ZNF85: variants seen among roughly 807,000 people sequenced by gnomAD.
ZNF85 encodes zinc finger protein 85 (HPF4, HTF1).
A neutral mutation model predicts 53.9 loss-of-function variants in ZNF85; 50 were observed. The observed-to-expected ratio is 0.93, with a 90% CI of 0.74 to 1.17. ZNF85 has a LOEUF of 1.17. ZNF85 is among the 50% of genes most tolerant of loss of function. The probability of loss-of-function intolerance (pLI) is 0.00; values close to 1 mark genes in which losing one functional copy is unlikely to be tolerated. For synonymous variants in ZNF85, 225 were observed against 226.1 expected (o/e 1.00, Z 0.04); for missense variants, 747 against 688.5 (o/e 1.08, Z -0.95).
At chr19:20,930,565 T>C (rs541185491) in intron 1 of ZNF85, among the ~76,000 whole-genome samples, 71 of 122,922 alleles carry the variant, frequency 5.8e-4, no homozygotes, top group Non-Finnish European at 1.1e-3. Flanking sequence ...CAGGGTGTTA[T>C]GATGATGAAA....
In ZNF85 at chr19:20,949,089, A is replaced by T; in HGVS notation, c.575A>T (p.His192Leu). The T allele has an allele frequency of 6.2e-7, 1 of 1,613,782 alleles. No individual in the cohort carries two copies. Among genetic ancestry groups the T allele is most frequent in the Non-Finnish European group, 8.5e-7 (1 of 1,179,790 alleles). ...GGCATGATTTCATGCCTAACTGAAC[A>T]TAGCAGAATTCATACTAGAGTAAAT... Reference protein sequence around the residue: ...SFGMISCLTEHSRIHTRVNFY... With the variant: ...SFGMISCLTELSRIHTRVNFY... Residue 192 changes from histidine to leucine, a missense_variant, in exon 4 of 4, where the codon CAT becomes CTT. His to Leu is a moderately conservative substitution (Grantham distance 99). Transcript: ENST00000328178.
At position 20,948,930 on chromosome 19, in the gene ZNF85, C is replaced by T. The variant is rs61734279; in HGVS notation, c.416C>T (p.Thr139Ile). The T allele has an allele frequency of 6.8e-4, 1,097 of 1,613,692 alleles. 5 individuals carry two copies. The African/African-American group carries it at 0.012, about 18-fold the overall frequency. Residue 139 changes from threonine to isoleucine, a missense_variant, in exon 4 of 4, where the codon ACA becomes ATA. Coordinates refer to ENST00000328178, the MANE Select transcript of ZNF85 (RefSeq NM_003429.5). ...GGCNGLNQCLTATQSKIFQCD... is the reference protein window; with the variant it reads ...GGCNGLNQCLIATQSKIFQCD... ...TGTAATGGACTTAACCAATGTCTCACAGCTACCCAGAGCAAAATATTTCAA... is the reference window on the plus strand; with the variant it reads ...TGTAATGGACTTAACCAATGTCTCATAGCTACCCAGAGCAAAATATTTCAA...
intron 3 of ZNF85, among the ~76,000 whole-genome samples, chr19:20,945,283 A>G (rs917944468): frequency 4.0e-5 from 6 of 151,776 alleles, no homozygotes; most frequent in African/African-American, 1.5e-4. Context: ...ACAACTACCA[A>G]TTTTTTCCAT....
intron 3 of ZNF85, chr19:20,946,458 A>T: frequency 3.0e-6 from 1 of 328,466 alleles, no homozygotes; most frequent in Non-Finnish European, 5.9e-6. Flanking sequence ...TTATTATAGA[A>T]AGTAGGTATT....
chr19:20,949,795 A>G lies in ZNF85; in HGVS notation c.1281A>G (p.Lys427=). Residue 427 remains lysine, a synonymous_variant, in exon 4 of 4, where the codon AAA becomes AAG. Transcript: ENST00000328178. ...KIIHTGEKPY[K]CKECEKAFNQ... The stretch of plus-strand genomic sequence containing the variant: ...TTCATACTGGAGAGAAGCCTTACAA[A>G]TGTAAAGAATGTGAAAAAGCTTTTA... 6.2e-7 allele frequency: 1 copy of G among 1,611,814 alleles called. No individual in the cohort carries two copies. The highest frequency in any genetic ancestry group is 8.5e-7 in the Non-Finnish European group (1 of 1,178,920).
chr19:20,946,107 G>A (rs1197870415), intron 3 of ZNF85, among the ~76,000 whole-genome samples: 1 of 151,688 alleles, frequency 6.6e-6, no homozygotes, highest in South Asian at 2.1e-4. Flanking sequence ...TACTTCTGAG[G>A]TTGCTGTTTC....
At chr19:20,935,498 T>G (rs1257818781) in intron 3 of ZNF85, among the ~76,000 whole-genome samples, 1 of 152,200 alleles carries the variant, frequency 6.6e-6, no homozygotes, top group African/African-American at 2.4e-5. Context: ...CCATCCTGTT[T>G]GTATTACTAC....
intron 1 of ZNF85, chr19:20,927,478 C>G (rs1972906782): frequency 6.7e-6 from 1 of 150,102 alleles, no homozygotes; most frequent in Non-Finnish European, 1.5e-5. Context: ...TTTATTTAGA[C>G]CAGTGAAGAC....
chr19:20,933,512 C>T (rs549872903), intron 1 of ZNF85, among the ~76,000 whole-genome samples: 2 of 152,178 alleles, frequency 1.3e-5, no homozygotes, highest in South Asian at 4.1e-4. Context: ...AAAACATTAA[C>T]CTTACTGGTG....
chr19:20,950,380 C>A lies in ZNF85; in HGVS notation c.*78C>A. ...TTTATACTGGAGAGAAACTACTAAC[C>A]TGAAAGATGTGACAATAATTTTGAC... On this transcript the variant is annotated 3_prime_UTR_variant, in exon 4 of 4. Coordinates refer to ENST00000328178, the MANE Select transcript of ZNF85 (RefSeq NM_003429.5). The A allele has an allele frequency of 1.0e-6, 1 of 1,003,734 alleles. No individual in the cohort carries two copies. Among genetic ancestry groups the A allele is most frequent in the African/African-American group, 1.6e-5 (1 of 60,946 alleles). The allele number at this position is 1,003,734 out of a possible 1,614,324, so 62.2% of individuals were successfully genotyped here. A position where few individuals can be genotyped will look rare whatever the true frequency, so the allele number is the denominator to read the frequency against.
chr19:20,925,199 C>T (rs972820821), intron 1 of ZNF85, among the ~76,000 whole-genome samples: 32 of 152,236 alleles, frequency 2.1e-4, no homozygotes, highest in Admixed American at 1.3e-3. Context: ...TGGCTCACAC[C>T]TGTAATCCCA....
intron 1 of ZNF85, among the ~76,000 whole-genome samples, chr19:20,932,673 C>T (rs996446317): frequency 1.3e-5 from 2 of 151,864 alleles, no homozygotes; most frequent in African/African-American, 4.8e-5. Context: ...ACATTTATTA[C>T]CCAGAAAGTT....
chr19:20,929,720 T>A (rs1972963340), intron 1 of ZNF85, among the ~76,000 whole-genome samples: 1 of 152,188 alleles, frequency 6.6e-6, no homozygotes, highest in Non-Finnish European at 1.5e-5. Flanking sequence ...GAGTTCTACA[T>A]AGGGTCCTCT....
chr19:20,924,824 C>T (rs1972842378), intron 1 of ZNF85, among the ~76,000 whole-genome samples: 2 of 152,158 alleles, frequency 1.3e-5, no homozygotes, highest in African/African-American at 2.4e-5. Flanking sequence ...CTCTGTGTCT[C>T]TTTTCCTTTT....
chr19:20,949,041 G>T lies in ZNF85; in HGVS notation c.527G>T (p.Cys176Phe), dbSNP rs1304737196. The T allele has an allele frequency of 2.5e-6, 4 of 1,613,692 alleles. No individual in the cohort carries two copies. Among genetic ancestry groups the T allele is most frequent in the Non-Finnish European group, 2.5e-6 (3 of 1,179,828 alleles). The change falls in exon 4 of 4, where the codon TGT (cysteine) becomes TTT (phenylalanine). Residue 176 changes from cysteine (C) to phenylalanine (F), a missense_variant. Transcript: ENST00000328178. Reference sequence around the variant, plus strand: ...CATACTAAAAAGAAACCTTTCAAATGTACAAAATGTGGCAAATCATTTGGC... The same window carrying T: ...CATACTAAAAAGAAACCTTTCAAATTTACAAAATGTGGCAAATCATTTGGC... ...IRHTKKKPFK[C>F]TKCGKSFGMI... is the part of the protein sequence containing the mutation.
chr19:20,935,492 C>A (rs1973135833), intron 3 of ZNF85, among the ~76,000 whole-genome samples: 3 of 152,038 alleles, frequency 2.0e-5, no homozygotes, highest in Admixed American at 1.3e-4. Flanking sequence ...CACATTCCAT[C>A]CTGTTTGTAT....
At position 20,948,811 on chromosome 19, in the gene ZNF85, G is replaced by A. The variant is rs754912998; in HGVS notation, c.297G>A (p.Val99=). ...EQNIKDSFQK[V]TLKRYGKCRH... ...ATATAAAAGATTCTTTCCAAAAAGT[G>A]ACACTGAAAAGATATGGAAAATGTA... The change falls in exon 4 of 4, where the codon GTG becomes GTA. Residue 99 remains valine (V), a synonymous_variant. Coordinates refer to ENST00000328178, the MANE Select transcript of ZNF85 (RefSeq NM_003429.5). 1 of 1,609,802 alleles carries A rather than the reference G, an allele frequency of 6.2e-7. No homozygotes were observed. The highest frequency in any genetic ancestry group is 1.3e-5 in the African/African-American group (1 of 74,676).
chr19:20,949,345 G>C lies in ZNF85; in HGVS notation c.831G>C (p.Lys277Asn), dbSNP rs1392873249. The change falls in exon 4 of 4, where the codon AAG (lysine) becomes AAC (asparagine). Residue 277 changes from lysine to asparagine, a missense_variant. Physicochemically the swap from Lys to Asn is moderately conservative, Grantham distance 94. Transcript: ENST00000328178. The stretch of plus-strand genomic sequence containing the variant: ...GATTCTCAACTCTTACTACCCATAA[G>C]ATAATTCATACTGGAGAGAAACCCT... ...FNRFSTLTTH[K>N]IIHTGEKPYK... 1 of 1,609,040 alleles carries C rather than the reference G, an allele frequency of 6.2e-7. No individual in the cohort carries two copies. The highest frequency in any genetic ancestry group is 1.7e-5 in the Admixed American group (1 of 59,772).
chr19:20,938,300 C>T lies in ZNF85; in HGVS notation c.229+3253C>T, dbSNP rs8106458. Among the ~76,000 whole-genome samples the T allele has an allele frequency of 1.6e-3, 244 of 152,252 alleles. 1 individual carries two copies. The South Asian group carries it at 0.021, about 13-fold the overall frequency. ...GGATAAGCTGATCTTGAACTTCTGA[C>T]GTTAACCTTCCCACCTCAACCTTCC... On this transcript the variant is annotated intron_variant, in intron 3 of 3. Coordinates refer to ENST00000328178, the MANE Select transcript of ZNF85 (RefSeq NM_003429.5).
Sources: allele counts gnomAD v4.1 joint callset (sites outside exome capture counted in the v4.1 genomes callset), GRCh38; gene constraint gnomAD v4.1.1; transcripts MANE v1.5; gene names NCBI Gene and HGNC (gene_info 2026-07-23, HGNC 2026-07-21).